NR6A1: variants seen among roughly 807,000 people sequenced by gnomAD.
NR6A1 encodes the protein nuclear receptor subfamily 6 group A member 1.
A neutral mutation model predicts 59.1 loss-of-function variants in NR6A1; 7 were observed. The ratio of observed to expected loss-of-function variants is 0.12; its 90% CI spans 0.07 to 0.22. The LOEUF (loss-of-function observed/expected upper bound fraction) is 0.22. Ranked by LOEUF, NR6A1 falls within the 10% of genes least tolerant of loss-of-function variation. NR6A1 has a pLI of 1.00. For missense variants in NR6A1, 468 were observed against 611.6 expected (o/e 0.77, Z 2.48); for synonymous variants, 243 against 236.1 (o/e 1.03, Z -0.27).
intron 2 of NR6A1, among the ~76,000 whole-genome samples, chr9:124,703,563 G>T (rs1277827673): frequency 1.3e-5 from 2 of 151,950 alleles, no homozygotes; most frequent in Non-Finnish European, 2.9e-5. Flanking sequence ...ATTTTTATGT[G>T]TTAATACAAG....
intron 7 of NR6A1, among the ~76,000 whole-genome samples, chr9:124,529,849 T>C (rs1012534552): frequency 2.0e-5 from 3 of 151,994 alleles, no homozygotes; most frequent in Non-Finnish European, 4.4e-5. Context: ...TGGATATTTA[T>C]GTTCTTGGGA....
intron 2 of NR6A1, among the ~76,000 whole-genome samples, chr9:124,638,949 A>G (rs1261351300): frequency 6.6e-6 from 1 of 152,202 alleles, no homozygotes; most frequent in Admixed American, 6.5e-5. Context: ...CTTTACGGGA[A>G]GCTGATTTTC....
intron 2 of NR6A1, among the ~76,000 whole-genome samples, chr9:124,606,081 C>A (rs1459013629): frequency 6.6e-6 from 1 of 152,182 alleles, no homozygotes; most frequent in Admixed American, 6.5e-5. Flanking sequence ...ACCTTCCCAA[C>A]CTCATAAGAG....
chr9:124,543,017 T>A (rs1833496030), intron 4 of NR6A1, among the ~76,000 whole-genome samples: 1 of 152,194 alleles, frequency 6.6e-6, no homozygotes. Context: ...AACAAAGACT[T>A]TTCCTAAGGA....
intron 2 of NR6A1, among the ~76,000 whole-genome samples, chr9:124,608,508 GTA>G (rs2130836665): frequency 6.6e-6 from 1 of 152,324 alleles, no homozygotes; most frequent in African/African-American, 2.4e-5. Flanking sequence ...ATTCCATGGT[GTA>G]TATATACCAC....
intron 1 of NR6A1, among the ~76,000 whole-genome samples, chr9:124,751,316 C>T (rs923658646): frequency 6.6e-6 from 1 of 152,194 alleles, no homozygotes; most frequent in Non-Finnish European, 1.5e-5. Flanking sequence ...CTAACAAGAA[C>T]ATAAACAGTT....
In NR6A1 at chr9:124,586,261, T is replaced by C. The variant is rs953942287; in HGVS notation, c.143-31691A>G. Among the ~76,000 whole-genome samples, 14 of 152,334 alleles carry C rather than the reference T, an allele frequency of 9.2e-5. No individual in the cohort carries two copies. The Middle Eastern group carries it at 0.01, about 111-fold the overall frequency. On this transcript the variant is annotated intron_variant, in intron 2 of 9. Transcript: ENST00000487099. ...TTCTAGATGCCATTAAGGACATTTA[T>C]GACCTCATAGGAGGTCAAAATATCA... is the stretch of plus-strand genomic sequence containing the variant.
In NR6A1 at chr9:124,522,698, G is replaced by T; in HGVS notation, c.*7C>A. The T allele has an allele frequency of 6.4e-7, 1 of 1,567,002 alleles. No homozygotes were observed. The highest frequency in any genetic ancestry group is 1.2e-5 in the South Asian group (1 of 84,924). On this transcript the variant is annotated 3_prime_UTR_variant, in exon 10 of 10. Coordinates refer to ENST00000487099, the MANE Select transcript of NR6A1 (RefSeq NM_033334.4). Reference sequence around the variant, plus strand: ...GTGGTTGGCCTGAGGAGGGCGCCTGGAACAGGTCATTCCTTGCCCACACTG... The same window carrying T: ...GTGGTTGGCCTGAGGAGGGCGCCTGTAACAGGTCATTCCTTGCCCACACTG...
In NR6A1 at chr9:124,682,256, CCTCCCAGAGTG is replaced by C. The variant is rs1201933841; in HGVS notation, c.142+51041_142+51051del. On this transcript the variant is annotated intron_variant, in intron 2 of 9. Coordinates refer to ENST00000487099, the MANE Select transcript of NR6A1 (RefSeq NM_033334.4). The stretch of plus-strand genomic sequence containing the variant: ...ACCTCAGATGATCCACCCACCTCGG[CCTCCCAGAGTG>C]CTGGGAATACAGGCATCAGCCATCG... 3.9e-5 allele frequency among the ~76,000 whole-genome samples: 6 copies of C among 152,260 alleles called. No homozygotes were observed. The East Asian group carries it at 1.2e-3, about 29-fold the overall frequency.
At chr9:124,576,229 G>C (rs1834586942) in intron 2 of NR6A1, among the ~76,000 whole-genome samples, 1 of 152,112 alleles carries the variant, frequency 6.6e-6, no homozygotes, top group Non-Finnish European at 1.5e-5. Context: ...CTTTCCCCTT[G>C]TTTTATTTTT....
At position 124,664,036 on chromosome 9, in the gene NR6A1, C is replaced by T. The variant is rs1305250707; in HGVS notation, c.142+69272G>A. ...CAACATCAAAGTCCTAAAATACTGT[C>T]CAAGAATGAGAAATTAAAATAATTT... On this transcript the variant is annotated intron_variant, in intron 2 of 9. Coordinates refer to ENST00000487099, the MANE Select transcript of NR6A1 (RefSeq NM_033334.4). Among the ~76,000 whole-genome samples, 3 of 152,046 alleles carry T rather than the reference C, an allele frequency of 2.0e-5. No individual in the cohort carries two copies. The East Asian group carries it at 5.8e-4, about 29-fold the overall frequency.
intron 1 of NR6A1, among the ~76,000 whole-genome samples, chr9:124,756,885 T>TA (rs533053770): frequency 6.9e-4 from 104 of 151,466 alleles, no homozygotes; most frequent in Admixed American, 1.2e-3. Context: ...CCCATATCTA[T>TA]AAGAATTCGA....
chr9:124,733,375 A>T, intron 1 of NR6A1, 26 bp from the exon 2 acceptor site: 1 of 1,594,042 alleles, frequency 6.3e-7, no homozygotes, highest in Non-Finnish European at 8.6e-7. Flanking sequence ...TAGGAAAAAA[A>T]ATTACAATTT....
intron 3 of NR6A1, among the ~76,000 whole-genome samples, chr9:124,548,909 C>T (rs1225331424): frequency 6.6e-6 from 1 of 152,104 alleles, no homozygotes; most frequent in Non-Finnish European, 1.5e-5. Flanking sequence ...TTTTCCCCAT[C>T]CCACTTCCTG....
chr9:124,768,180 C>A (rs141205402), intron 1 of NR6A1, among the ~76,000 whole-genome samples: 13 of 152,276 alleles, frequency 8.5e-5, no homozygotes, highest in Non-Finnish European at 1.5e-4. Context: ...TCTAAAATGC[C>A]ACCTCCAGTT....
At chr9:124,680,472 AC>A (rs766304394) in intron 2 of NR6A1, among the ~76,000 whole-genome samples, 5 of 152,328 alleles carry the variant, frequency 3.3e-5, no homozygotes, top group African/African-American at 7.2e-5. Context: ...TACAGTATGA[AC>A]ACACACAAAA....
intron 2 of NR6A1, among the ~76,000 whole-genome samples, chr9:124,629,778 T>C (rs1836369807): frequency 6.6e-6 from 1 of 152,220 alleles, no homozygotes. Flanking sequence ...TTCTTAGTCA[T>C]TTCAGTTTGA....
intron 2 of NR6A1, among the ~76,000 whole-genome samples, chr9:124,583,620 T>C (rs1039008884): frequency 6.6e-6 from 1 of 152,196 alleles, no homozygotes; most frequent in Middle Eastern, 3.2e-3. Flanking sequence ...GTTTCCCTTG[T>C]ATCTAGAACC....
chr9:124,541,996 G>A (rs1024545982), intron 4 of NR6A1, among the ~76,000 whole-genome samples: 6 of 152,204 alleles, frequency 3.9e-5, no homozygotes, highest in African/African-American at 7.2e-5. Context: ...AAGTGGAATG[G>A]TGGCTGCCAT....
Sources: allele counts gnomAD v4.1 joint callset (sites outside exome capture counted in the v4.1 genomes callset), GRCh38; gene constraint gnomAD v4.1.1; transcripts MANE v1.5; gene names NCBI Gene and HGNC (gene_info 2026-07-23, HGNC 2026-07-21).